KIZ: variants seen among roughly 807,000 people sequenced by gnomAD.
KIZ encodes the protein kizuna centrosomal protein, also known as centrosomal protein kizuna.
Under a neutral mutation model 79.6 loss-of-function variants are expected in KIZ, and 68 were observed. The ratio of observed to expected loss-of-function variants is 0.85; its 90% CI spans 0.70 to 1.05. KIZ has a LOEUF of 1.05. KIZ is among the 50% of genes least tolerant of loss of function. The probability of loss-of-function intolerance (pLI) is 0.00; values close to 1 mark genes in which losing one functional copy is unlikely to be tolerated. For missense variants in KIZ, 797 were observed against 800.4 expected (o/e 1.00, Z 0.05); for synonymous variants, 280 against 281.8 (o/e 0.99, Z 0.06).
chr20:21,234,999 C>T (rs1182860129), intron 11 of KIZ, among the ~76,000 whole-genome samples: 7 of 152,090 alleles, frequency 4.6e-5, no homozygotes, highest in African/African-American at 1.7e-4. Flanking sequence ...TCTTTTCAGC[C>T]GCCTTTGAGA....
intron 11 of KIZ, among the ~76,000 whole-genome samples, chr20:21,238,971 C>A (rs1313380349): frequency 6.6e-6 from 1 of 152,198 alleles, no homozygotes; most frequent in Non-Finnish European, 1.5e-5. Flanking sequence ...GACCCCTGTG[C>A]CTAAGTACTC....
At chr20:21,127,187 C>T (rs1263409101) in intron 1 of KIZ, among the ~76,000 whole-genome samples, 1 of 152,174 alleles carries the variant, frequency 6.6e-6, no homozygotes, top group East Asian at 1.9e-4. Context: ...CAACAGGCTT[C>T]CTTAATTGTC....
At chr20:21,143,483 C>T (rs1025999991) in intron 3 of KIZ, among the ~76,000 whole-genome samples, 2 of 152,138 alleles carry the variant, frequency 1.3e-5, no homozygotes, top group African/African-American at 4.8e-5. Context: ...GAAACTTCTG[C>T]CAGAACCTCC....
At chr20:21,240,126 TTAAC>T (rs1359219847) in intron 11 of KIZ, among the ~76,000 whole-genome samples, 1 of 151,282 alleles carries the variant, frequency 6.6e-6, no homozygotes, top group African/African-American at 2.5e-5. Flanking sequence ...AACTAATTAA[TTAAC>T]TATTTTTTTT....
intron 11 of KIZ, among the ~76,000 whole-genome samples, chr20:21,242,931 C>G (rs935438123): frequency 6.6e-6 from 1 of 152,190 alleles, no homozygotes; most frequent in Non-Finnish European, 1.5e-5. Context: ...GCAAATTAGC[C>G]TCTTTCCACC....
intron 9 of KIZ, among the ~76,000 whole-genome samples, chr20:21,225,259 A>G (rs1600591665): frequency 6.6e-6 from 1 of 152,330 alleles, no homozygotes; most frequent in East Asian, 1.9e-4. Context: ...TGCTTGAACG[A>G]AAGATTCAGA....
intron 4 of KIZ, chr20:21,151,556 G>A (rs987441674): frequency 6.6e-6 from 1 of 152,166 alleles, no homozygotes; most frequent in African/African-American, 2.4e-5. Context: ...AATTTTTGTG[G>A]GGAAACACTG....
rs543152313 is a variant in KIZ at position 21,231,531 on chromosome 20, T to G, written c.1784-1203T>G. On this transcript the variant is annotated intron_variant, in intron 10 of 12. Coordinates refer to ENST00000619189, the MANE Select transcript of KIZ (RefSeq NM_018474.6). ...CCTTGCCCCATACTCAAAATTACACTACATGTTTTGCAAGATTCCAAATTT... is the reference window on the plus strand; with the variant it reads ...CCTTGCCCCATACTCAAAATTACACGACATGTTTTGCAAGATTCCAAATTT... Among the ~76,000 whole-genome samples, 3 of 152,312 alleles carry G rather than the reference T, an allele frequency of 2.0e-5. No individual in the cohort carries two copies. The South Asian group carries it at 6.2e-4, about 32-fold the overall frequency.
At chr20:21,240,597 A>G (rs927811264) in intron 11 of KIZ, among the ~76,000 whole-genome samples, 4 of 152,250 alleles carry the variant, frequency 2.6e-5, no homozygotes, top group African/African-American at 9.6e-5. Context: ...CTCCTGAGCC[A>G]TGGTGCGGGG....
intron 6 of KIZ, chr20:21,198,550 T>C (rs1313927234): frequency 6.6e-6 from 1 of 152,268 alleles, no homozygotes; most frequent in Non-Finnish European, 1.5e-5. Context: ...TCACCTGTCA[T>C]GTGCCACTTA....
chr20:21,189,591 C>G (rs760622797), intron 6 of KIZ, among the ~76,000 whole-genome samples: 1 of 152,114 alleles, frequency 6.6e-6, no homozygotes, highest in Non-Finnish European at 1.5e-5. Context: ...TAAAATGGAA[C>G]AGAATGATGA....
At chr20:21,205,401 A>G (rs1041072576) in intron 6 of KIZ, 90 bp from the exon 7 acceptor site, 3 of 566,016 alleles carry the variant, frequency 5.3e-6, no homozygotes, top group Non-Finnish European at 9.4e-6. Context: ...TGGATAAACC[A>G]TCTTCTACTA....
chr20:21,147,961 T>TTGTGTG (rs61333547), intron 4 of KIZ, among the ~76,000 whole-genome samples: 8,811 of 141,038 alleles, frequency 0.062, 403 homozygotes, highest in African/African-American at 0.13. Flanking sequence ...CTCCTGGAAT[T>TTGTGTG]TGTGTGTGTG....
chr20:21,146,554 C>G (rs1395219973), intron 4 of KIZ, among the ~76,000 whole-genome samples: 1 of 152,158 alleles, frequency 6.6e-6, no homozygotes, highest in Non-Finnish European at 1.5e-5. Context: ...CAGGTTTGCC[C>G]TATAGCTACC....
chr20:21,227,347 C>T (rs529779064), intron 9 of KIZ, among the ~76,000 whole-genome samples: 2 of 152,110 alleles, frequency 1.3e-5, no homozygotes, highest in Non-Finnish European at 1.5e-5. Context: ...TGCAGCATGC[C>T]GCTCCAGCTT....
chr20:21,196,887 A>G (rs1372534156), intron 6 of KIZ: 1 of 152,214 alleles, frequency 6.6e-6, no homozygotes, highest in Non-Finnish European at 1.5e-5. Context: ...CCTCCAATAG[A>G]TGGACCACAT....
At chr20:21,223,879 T>C (rs1255276306) in intron 9 of KIZ, among the ~76,000 whole-genome samples, 1 of 152,146 alleles carries the variant, frequency 6.6e-6, no homozygotes, top group Non-Finnish European at 1.5e-5. Context: ...GGTTTCACCA[T>C]GTTGGTCAGG....
chr20:21,162,330 A>G lies in KIZ; in HGVS notation c.865A>G (p.Thr289Ala). 1 of 1,613,902 alleles carries G rather than the reference A, an allele frequency of 6.2e-7. No homozygotes were observed. Among genetic ancestry groups the G allele is most frequent in the East Asian group, 2.2e-5 (1 of 44,884 alleles). Residue 289 changes from threonine to alanine, a missense_variant, in exon 5 of 13, where the codon ACT (threonine) becomes GCT (alanine). Thr to Ala is a moderately conservative substitution (Grantham distance 58). Coordinates refer to ENST00000619189, the MANE Select transcript of KIZ (RefSeq NM_018474.6). The part of the protein sequence containing the change: ...RERLSPENRT[T>A]DLKCDSSSGS... ...AAGATTAAGTCCAGAGAACAGAACC[A>G]CTGATTTAAAGTGTGACAGTTCCAG...
chr20:21,239,227 T>A (rs1383896129), intron 11 of KIZ, among the ~76,000 whole-genome samples: 1 of 152,002 alleles, frequency 6.6e-6, no homozygotes, highest in Non-Finnish European at 1.5e-5. Context: ...GTGAGCAGAG[T>A]CTTTCTGGCC....
Sources: allele counts gnomAD v4.1 joint callset (sites outside exome capture counted in the v4.1 genomes callset), GRCh38; gene constraint gnomAD v4.1.1; transcripts MANE v1.5; gene names NCBI Gene and HGNC (gene_info 2026-07-23, HGNC 2026-07-21).